Variants in STPG2 observed in about 807,000 individuals in gnomAD.
STPG2 encodes the protein sperm-tail PG-rich repeat-containing protein 2.
In STPG2, 56 loss-of-function variants were observed where a neutral mutation model predicts 54.2. The observed-to-expected ratio is 1.03, with a 90% CI of 0.83 to 1.29. STPG2 has a LOEUF of 1.29. STPG2 is among the 50% of genes most tolerant of loss of function. STPG2 has a pLI of 0.00. For synonymous variants in STPG2, 200 were observed against 181.8 expected (o/e 1.10, Z -0.81); for missense variants, 596 against 544.9 (o/e 1.09, Z -0.93).
chr4:98,130,949 AAC>A lies in STPG2; in HGVS notation c.223-2359_223-2358del, dbSNP rs1323492542. The stretch of plus-strand genomic sequence containing the variant: ...AAAAAAAAAAAAAAAACAAAAAAAA[AAC>A]GACTTTCCAAAATATAGCCCCTACC... On this transcript the variant is annotated intron_variant, in intron 2 of 10. Transcript: ENST00000295268. Among the ~76,000 whole-genome samples, 19 of 126,432 alleles carry A rather than the reference AAC, an allele frequency of 1.5e-4. 1 individual carries two copies. Among genetic ancestry groups the A allele is most frequent in the African/African-American group, 2.8e-4 (9 of 32,614 alleles). 82.9% of individuals were successfully genotyped at this position (126,432 alleles called of 152,430 possible). A position where few individuals can be genotyped will look rare whatever the true frequency, so the allele number is the denominator to read the frequency against.
At chr4:97,836,413 G>C (rs1469385265) in intron 9 of STPG2, among the ~76,000 whole-genome samples, 6 of 151,812 alleles carry the variant, frequency 4.0e-5, no homozygotes, top group African/African-American at 1.5e-4. Context: ...CATTTACGTT[G>C]TTTTATTCAG....
chr4:97,670,833 G>A (rs1419317199), intron 10 of STPG2, among the ~76,000 whole-genome samples: 6 of 152,192 alleles, frequency 3.9e-5, no homozygotes, highest in Non-Finnish European at 8.8e-5. Context: ...CTTCAAAGAA[G>A]GGGAATGAAG....
intron 4 of STPG2, among the ~76,000 whole-genome samples, chr4:97,494,049 C>G (rs186505152): frequency 6.6e-6 from 1 of 151,474 alleles, no homozygotes; most frequent in East Asian, 2.0e-4. Context: ...CACAAAAAAA[C>G]GTTTAAGAAA....
At chr4:97,889,003 G>A (rs1049137708) in intron 8 of STPG2, among the ~76,000 whole-genome samples, 8 of 152,162 alleles carry the variant, frequency 5.3e-5, no homozygotes, top group Admixed American at 1.3e-4. Flanking sequence ...TTCAGCCATT[G>A]TAAGTTTCCT....
chr4:97,780,367 A>C (rs1313374565), intron 9 of STPG2, among the ~76,000 whole-genome samples: 3 of 22,460 alleles, frequency 1.3e-4, no homozygotes, highest in Non-Finnish European at 2.6e-4. Context: ...GATCAATTCA[A>C]CAAGAAGAGC....
chr4:98,064,193 T>C (rs1399144920), intron 5 of STPG2, among the ~76,000 whole-genome samples: 4 of 152,136 alleles, frequency 2.6e-5, no homozygotes, highest in Admixed American at 2.6e-4. Flanking sequence ...AGTCAACAAA[T>C]AATTCAAAAA....
At chr4:98,121,036 T>A (rs778714830) in intron 3 of STPG2, among the ~76,000 whole-genome samples, 3 of 152,192 alleles carry the variant, frequency 2.0e-5, no homozygotes, top group Non-Finnish European at 4.4e-5. Flanking sequence ...TAGTTTTGGA[T>A]TTTACATTTC....
At chr4:97,508,625 A>G (rs749184240) in intron 4 of STPG2, among the ~76,000 whole-genome samples, 36 of 152,268 alleles carry the variant, frequency 2.4e-4, no homozygotes, top group Non-Finnish European at 4.7e-4. Flanking sequence ...GTTATTCAAA[A>G]TAGTTTATTA....
At chr4:97,984,533 G>T (rs935304978) in intron 5 of STPG2, among the ~76,000 whole-genome samples, 1 of 152,084 alleles carries the variant, frequency 6.6e-6, no homozygotes, top group Non-Finnish European at 1.5e-5. Context: ...TGGTTACCTG[G>T]ATTATTACTT....
intron 10 of STPG2, among the ~76,000 whole-genome samples, chr4:97,648,647 A>C (rs1302504912): frequency 6.6e-6 from 1 of 152,116 alleles, no homozygotes; most frequent in Non-Finnish European, 1.5e-5. Context: ...ATGGACACAT[A>C]ATTTATGTTT....
At position 97,739,720 on chromosome 4, in the gene STPG2, C is replaced by T. The variant is rs180897813; in HGVS notation, c.1205-26906G>A. The stretch of plus-strand genomic sequence containing the variant: ...CAGGCTCTGAAATTGTGGCAATAAT[C>T]AGTAGTTTACCAACCAAAAAGAGTC... On this transcript the variant is annotated intron_variant, in intron 9 of 10. Transcript: ENST00000295268. 4.6e-5 allele frequency among the ~76,000 whole-genome samples: 7 copies of T among 152,188 alleles called. No individual in the cohort carries two copies. In the East Asian group the frequency reaches 1.4e-3, roughly 29 times the overall value.
At chr4:98,133,691 G>A (rs2110167626) in intron 2 of STPG2, among the ~76,000 whole-genome samples, 1 of 152,102 alleles carries the variant, frequency 6.6e-6, no homozygotes, top group Admixed American at 6.5e-5. Context: ...TAGGCTCTAT[G>A]ATCATACAAA....
chr4:97,466,690 C>T (rs775651582), intron 4 of STPG2, among the ~76,000 whole-genome samples: 3 of 151,840 alleles, frequency 2.0e-5, no homozygotes, highest in Non-Finnish European at 4.4e-5. Context: ...TTCATACCTT[C>T]CCAGAGTTTA....
At chr4:97,658,577 A>G (rs1360513699) in intron 10 of STPG2, among the ~76,000 whole-genome samples, 1 of 152,150 alleles carries the variant, frequency 6.6e-6, no homozygotes, top group African/African-American at 2.4e-5. Flanking sequence ...ACTCTTCAAA[A>G]AGCTGGAAGT....
chr4:97,797,137 A>G (rs1727215638), intron 9 of STPG2, among the ~76,000 whole-genome samples: 1 of 152,174 alleles, frequency 6.6e-6, no homozygotes. Flanking sequence ...CTGCAAACAG[A>G]GACAATTTGA....
intron 9 of STPG2, among the ~76,000 whole-genome samples, chr4:97,743,075 A>G (rs1725314783): frequency 6.6e-6 from 1 of 151,836 alleles, no homozygotes; most frequent in Non-Finnish European, 1.5e-5. Context: ...ATAAAAACAT[A>G]AAGTGCCTTT....
intron 10 of STPG2, among the ~76,000 whole-genome samples, chr4:97,559,816 C>A (rs1189469201): frequency 6.6e-6 from 1 of 152,084 alleles, no homozygotes. Context: ...GTCCTTTTGA[C>A]AAAAAGATCA....
At chr4:97,884,004 G>A (rs924525794) in intron 8 of STPG2, among the ~76,000 whole-genome samples, 9 of 152,160 alleles carry the variant, frequency 5.9e-5, no homozygotes, top group African/African-American at 1.7e-4. Flanking sequence ...AAGTTTTTGC[G>A]GGGGTGGGGA....
At chr4:97,790,174 G>A (rs1052425630) in intron 9 of STPG2, among the ~76,000 whole-genome samples, 4 of 97,706 alleles carry the variant, frequency 4.1e-5, no homozygotes, top group Non-Finnish European at 8.4e-5. Flanking sequence ...ATTACATCTG[G>A]AACAACGGCA....
Sources: allele counts gnomAD v4.1 joint callset (sites outside exome capture counted in the v4.1 genomes callset), GRCh38; gene constraint gnomAD v4.1.1; transcripts MANE v1.5; gene names NCBI Gene and HGNC (gene_info 2026-07-23, HGNC 2026-07-21).